ANK2: variants seen among roughly 807,000 people sequenced by gnomAD.
ANK2 encodes the protein ankyrin 2.
In ANK2, 83 loss-of-function variants were observed where a neutral mutation model predicts 360.5. The observed-to-expected ratio is 0.23, with a 90% CI of 0.19 to 0.28. The LOEUF is 0.28. ANK2 is among the 10% of genes least tolerant of loss of function. The probability of loss-of-function intolerance (pLI) is 1.00; values close to 1 mark genes in which losing one functional copy is unlikely to be tolerated. For missense variants in ANK2, 4,201 were observed against 4,795.7 expected, an observed-to-expected ratio of 0.88 and a Z score of 3.66; for synonymous variants, 1,740 against 1,759.5, an observed-to-expected ratio of 0.99 and a Z score of 0.28.
At chr4:112,909,729 C>T (rs10016365) in intron 2 of ANK2, among the ~76,000 whole-genome samples, 1 of 152,028 alleles carries the variant, frequency 6.6e-6, no homozygotes, top group African/African-American at 2.4e-5. Flanking sequence ...CTGTACCCTA[C>T]CTGGAACCAA....
intron 1 of ANK2, among the ~76,000 whole-genome samples, chr4:113,139,531 C>T (rs1245525177): frequency 6.6e-6 from 1 of 152,208 alleles, no homozygotes; most frequent in East Asian, 1.9e-4. Flanking sequence ...TCTGTACACA[C>T]ATATTTGTCT....
At chr4:112,936,786 T>C (rs1171016293) in intron 2 of ANK2, among the ~76,000 whole-genome samples, 1 of 149,836 alleles carries the variant, frequency 6.7e-6, no homozygotes, top group Admixed American at 6.6e-5. Context: ...TTATAATTTT[T>C]TTTTTGTTTG....
In ANK2 at chr4:113,249,883, T is replaced by C. The variant is rs968193322; in HGVS notation, c.990+21T>C. ...CTAAGGTGAGTCATTATGAGTAAGA[T>C]GGGGTCCTAAGAAATCTTTAAGTTA... On this transcript the variant is annotated intron_variant, in intron 10 of 45. Transcript: ENST00000357077. 6.9e-6 allele frequency: 11 copies of C among 1,601,974 alleles called. No individual in the cohort carries two copies. The East Asian group carries it at 2.0e-4, about 29-fold the overall frequency.
intron 24 of ANK2, among the ~76,000 whole-genome samples, chr4:113,312,011 A>C (rs9996310): frequency 0.063 from 9,591 of 152,234 alleles, 902 homozygotes; most frequent in African/African-American, 0.21. Context: ...TCTGAGATAT[A>C]TGATCAGTGC....
the ANK2 span, among the ~76,000 whole-genome samples, chr4:112,719,352 AG>A: frequency 6.6e-6 from 1 of 152,160 alleles, no homozygotes; most frequent in African/African-American, 2.4e-5. Context: ...TCAGATACAG[AG>A]GGGAAAACAC....
chr4:113,274,611 C>T lies in ANK2; in HGVS notation c.1645C>T (p.Leu549=), dbSNP rs576163042. The T allele has an allele frequency of 1.3e-5, 21 of 1,614,102 alleles. No individual in the cohort carries two copies. Among genetic ancestry groups the T allele is most frequent in the Non-Finnish European group, 1.4e-5 (16 of 1,180,054 alleles). ...REGQVDVASV[L]LEAGAAHSLA... ...GGGCCAGGTGGATGTGGCATCAGTC[C>T]TATTGGAAGCAGGAGCAGCCCACTC... The change falls in exon 15 of 46, where the codon CTA becomes TTA. Residue 549 remains leucine (L), a synonymous_variant. Coordinates refer to ENST00000357077, the MANE Select transcript of ANK2 (RefSeq NM_001148.6).
At chr4:112,962,232 TC>T (rs1202764665) in intron 2 of ANK2, among the ~76,000 whole-genome samples, 1 of 152,130 alleles carries the variant, frequency 6.6e-6, no homozygotes, top group Non-Finnish European at 1.5e-5. Context: ...TGTCTATTGT[TC>T]CCGTGTCTAT....
chr4:112,880,814 A>T (rs2076498172), intron 1 of ANK2: 1 of 152,194 alleles, frequency 6.6e-6, no homozygotes, highest in South Asian at 2.1e-4. Flanking sequence ...GATGAATGGA[A>T]TTAGGAAAGG....
chr4:113,142,234 A>G (rs1157827489), intron 1 of ANK2, among the ~76,000 whole-genome samples: 1 of 152,168 alleles, frequency 6.6e-6, no homozygotes, highest in Non-Finnish European at 1.5e-5. Context: ...ACAAAATGTT[A>G]TGTATATAGG....
intron 1 of ANK2, among the ~76,000 whole-genome samples, chr4:113,077,353 G>A (rs1369187540): frequency 6.6e-6 from 1 of 152,072 alleles, no homozygotes; most frequent in African/African-American, 2.4e-5. Flanking sequence ...ATATTAAATT[G>A]TAGGTGGTTT....
the ANK2 span, among the ~76,000 whole-genome samples, chr4:112,732,373 C>T: frequency 6.6e-6 from 1 of 151,750 alleles, no homozygotes; most frequent in Admixed American, 6.6e-5. Context: ...ATCCTGTTCC[C>T]GAGTAGCTAC....
intron 17 of ANK2, 47 bp downstream of exon 17, chr4:113,278,605 C>G (rs1301511120): frequency 6.4e-7 from 1 of 1,551,716 alleles, no homozygotes; most frequent in Non-Finnish European, 8.9e-7. Flanking sequence ...GTAACTATCG[C>G]CTGAAAACAC....
the ANK2 span, chr4:112,788,724 G>A: frequency 3.1e-6 from 5 of 1,593,374 alleles, no homozygotes; most frequent in African/African-American, 2.7e-5. Flanking sequence ...CACAAAGCGG[G>A]TGAGGTCTCT....
chr4:113,261,874 T>C (rs2053119401), intron 13 of ANK2, among the ~76,000 whole-genome samples: 2 of 152,242 alleles, frequency 1.3e-5, no homozygotes, highest in South Asian at 4.2e-4. Flanking sequence ...AGCCCCTTAT[T>C]GATAAAGCTT....
intron 1 of ANK2, among the ~76,000 whole-genome samples, chr4:112,843,370 T>G (rs2062585038): frequency 3.3e-5 from 5 of 152,198 alleles, no homozygotes; most frequent in Admixed American, 3.3e-4. Context: ...AGATCTCACA[T>G]TTGATTTATC....
the ANK2 span, among the ~76,000 whole-genome samples, chr4:112,774,309 G>A: frequency 4.6e-5 from 7 of 152,120 alleles, no homozygotes; most frequent in African/African-American, 1.7e-4. Flanking sequence ...GGTGGATCAC[G>A]AGGTCAGGAG....
At chr4:112,863,520 T>TC in intron 1 of ANK2, among the ~76,000 whole-genome samples, 1 of 137,772 alleles carries the variant, frequency 7.3e-6, no homozygotes, top group African/African-American at 2.7e-5. Flanking sequence ...GTATCTTTTT[T>TC]TTTTTTTTTT....
At chr4:112,726,818 C>T in the ANK2 span, among the ~76,000 whole-genome samples, 2 of 143,524 alleles carry the variant, frequency 1.4e-5, no homozygotes, top group Non-Finnish European at 3.0e-5. Flanking sequence ...CGCCACTGCA[C>T]TCCAGCCTGG....
chr4:113,377,468 A>T (rs1413441366), intron 45 of ANK2, among the ~76,000 whole-genome samples: 1 of 152,200 alleles, frequency 6.6e-6, no homozygotes, highest in African/African-American at 2.4e-5. Flanking sequence ...AAAATCCAAA[A>T]GGGACAAAAA....
Sources: gnomAD v4.1 joint callset for allele counts (sites outside exome capture counted in the v4.1 genomes callset) on GRCh38, gnomAD v4.1.1 for gene constraint, MANE v1.5 for transcripts, NCBI Gene and HGNC (gene_info 2026-07-23, HGNC 2026-07-21) for gene names.